SLC15A5: variants seen among roughly 807,000 people sequenced by gnomAD.
SLC15A5 encodes the protein Peptide/histidine transporter ENSP00000340402.
A neutral mutation model predicts 56.1 loss-of-function variants in SLC15A5; 58 were observed. That is an observed-to-expected ratio of 1.03 (90% CI 0.84 to 1.29). SLC15A5 has a LOEUF of 1.29. Among genes scored for constraint, SLC15A5 ranks in the 50% most tolerant of loss-of-function variants. SLC15A5 has a pLI of 0.00. For missense variants in SLC15A5, 681 were observed against 672.1 expected, an observed-to-expected ratio of 1.01 and a Z score of -0.15; for synonymous variants, 264 against 250.5, an observed-to-expected ratio of 1.05 and a Z score of -0.51.
intron 7 of SLC15A5, among the ~76,000 whole-genome samples, chr12:16,194,694 A>C (rs1024882232): frequency 2.6e-5 from 4 of 152,096 alleles, no homozygotes; most frequent in Non-Finnish European, 1.5e-5. Context: ...GCACAAATAT[A>C]GGTGTCAGAA....
chr12:16,255,423 A>C (rs1165427864), intron 3 of SLC15A5, among the ~76,000 whole-genome samples: 1 of 152,164 alleles, frequency 6.6e-6, no homozygotes, highest in Non-Finnish European at 1.5e-5. Flanking sequence ...ATTGGCAAAA[A>C]TCCCAAAGTT....
chr12:16,275,500 C>T (rs891969057), intron 1 of SLC15A5, among the ~76,000 whole-genome samples: 1 of 151,978 alleles, frequency 6.6e-6, no homozygotes, highest in Admixed American at 6.6e-5. Flanking sequence ...AAGCTGGAGA[C>T]TGACTGAGAA....
intron 2 of SLC15A5, among the ~76,000 whole-genome samples, chr12:16,265,215 G>T (rs1308720267): frequency 6.6e-6 from 1 of 152,128 alleles, no homozygotes; most frequent in Non-Finnish European, 1.5e-5. Context: ...CACAGCTATT[G>T]TAAGTCTGGA....
At chr12:16,253,613 C>T (rs962439685) in intron 3 of SLC15A5, among the ~76,000 whole-genome samples, 2 of 152,012 alleles carry the variant, frequency 1.3e-5, no homozygotes, top group Admixed American at 6.6e-5. Flanking sequence ...GCTCACACTT[C>T]TAATCCCAGC....
chr12:16,224,655 C>T, intron 5 of SLC15A5, 53 bp from the exon 6 acceptor site: 1 of 1,459,382 alleles, frequency 6.9e-7, no homozygotes, highest in South Asian at 1.3e-5. Flanking sequence ...GCTAGAGATT[C>T]ATGTAATAAG....
chr12:16,223,273 A>G lies in SLC15A5; in HGVS notation c.1351+1141T>C, dbSNP rs1024813601. On this transcript the variant is annotated intron_variant, in intron 6 of 8. Coordinates refer to ENST00000344941, the MANE Select transcript of SLC15A5 (RefSeq NM_001170798.1). The stretch of plus-strand genomic sequence containing the variant: ...TACTCTAAAATCCATGTGCCAGTTG[A>G]TAGAATGGGAGAGATAATGGAGGTC... Among the ~76,000 whole-genome samples the G allele has an allele frequency of 1.2e-4, 18 of 152,172 alleles. 1 individual carries two copies. Among genetic ancestry groups the G allele is most frequent in the Admixed American group, 9.8e-4 (15 of 15,264 alleles).
intron 3 of SLC15A5, among the ~76,000 whole-genome samples, chr12:16,256,400 G>A (rs1864572357): frequency 1.3e-5 from 2 of 152,080 alleles, no homozygotes; most frequent in Non-Finnish European, 1.5e-5. Context: ...AGTACATAAT[G>A]CCACCTATGA....
intron 2 of SLC15A5, among the ~76,000 whole-genome samples, chr12:16,266,846 G>A (rs1237181815): frequency 6.6e-6 from 1 of 152,254 alleles, no homozygotes; most frequent in East Asian, 1.9e-4. Context: ...TGTTTCTTTA[G>A]CCTACTTTTA....
intron 7 of SLC15A5, among the ~76,000 whole-genome samples, chr12:16,208,489 A>T (rs573803961): frequency 6.6e-6 from 1 of 152,252 alleles, no homozygotes; most frequent in South Asian, 2.1e-4. Flanking sequence ...TGGGCAATAT[A>T]GTGAGACCCA....
chr12:16,238,732 A>G (rs1864378360), intron 5 of SLC15A5, among the ~76,000 whole-genome samples: 1 of 152,148 alleles, frequency 6.6e-6, no homozygotes, highest in African/African-American at 2.4e-5. Context: ...AGTAGAGGAT[A>G]AGACATTAGG....
chr12:16,255,597 T>A (rs1057343515), intron 3 of SLC15A5, among the ~76,000 whole-genome samples: 2 of 152,046 alleles, frequency 1.3e-5, no homozygotes, highest in Admixed American at 1.3e-4. Context: ...CTTCTAGGAA[T>A]CTATCCTAAA....
At chr12:16,253,411 A>G (rs1432610750) in intron 3 of SLC15A5, among the ~76,000 whole-genome samples, 2 of 152,104 alleles carry the variant, frequency 1.3e-5, no homozygotes, top group Non-Finnish European at 2.9e-5. Flanking sequence ...TCCAGAATAT[A>G]TAATGAACTT....
chr12:16,218,865 T>C (rs1202855659), intron 6 of SLC15A5, among the ~76,000 whole-genome samples: 1 of 152,186 alleles, frequency 6.6e-6, no homozygotes, highest in Non-Finnish European at 1.5e-5. Flanking sequence ...CTTGTTTGTT[T>C]GTTTTTAATA....
chr12:16,196,976 T>G lies in SLC15A5; in HGVS notation c.1484-2523A>C, dbSNP rs1157131766. 6.6e-6 allele frequency among the ~76,000 whole-genome samples: 1 copy of G among 151,838 alleles called. No homozygotes were observed. The highest frequency in any genetic ancestry group is 2.4e-5 in the African/African-American group (1 of 41,318). ...AATGACAAGTACTATGACTTGGTAT[T>G]TGGGAGTTTGTGGGTGACAGGAGAG... On this transcript the variant is annotated intron_variant, in intron 7 of 8. Coordinates refer to ENST00000344941, the MANE Select transcript of SLC15A5 (RefSeq NM_001170798.1). The surrounding 1 kb of genome is among the most constrained non-coding windows in gnomAD (Gnocchi z 4.0).
chr12:16,268,548 C>T (rs915798242), intron 2 of SLC15A5, among the ~76,000 whole-genome samples: 17 of 152,088 alleles, frequency 1.1e-4, no homozygotes, highest in Non-Finnish European at 2.1e-4. Flanking sequence ...TGAAATGTAC[C>T]TTATAAATTA....
At chr12:16,264,213 C>T (rs1864670872) in intron 2 of SLC15A5, among the ~76,000 whole-genome samples, 1 of 152,214 alleles carries the variant, frequency 6.6e-6, no homozygotes, top group Non-Finnish European at 1.5e-5. Context: ...GAACCCACCT[C>T]TTGCATTAGC....
At chr12:16,258,238 C>A (rs1387734208) in intron 2 of SLC15A5, among the ~76,000 whole-genome samples, 1 of 152,102 alleles carries the variant, frequency 6.6e-6, no homozygotes, top group Non-Finnish European at 1.5e-5. Context: ...AACACTTAAT[C>A]ATTCAAATAC....
chr12:16,200,701 G>A (rs144939867), intron 7 of SLC15A5, among the ~76,000 whole-genome samples: 3 of 152,084 alleles, frequency 2.0e-5, no homozygotes, highest in African/African-American at 7.2e-5. Flanking sequence ...AGAAAATGAA[G>A]AGAATGAGGA....
intron 7 of SLC15A5, among the ~76,000 whole-genome samples, chr12:16,211,607 T>C (rs1864081998): frequency 6.6e-6 from 1 of 152,226 alleles, no homozygotes; most frequent in Non-Finnish European, 1.5e-5. Flanking sequence ...TGAAAAGGTT[T>C]AAGTTCGAAT....
Sources: allele counts gnomAD v4.1 joint callset (sites outside exome capture counted in the v4.1 genomes callset), GRCh38; gene constraint gnomAD v4.1.1; non-coding constraint Gnocchi (gnomAD v3.1); transcripts MANE v1.5; gene names NCBI Gene and HGNC (gene_info 2026-07-23, HGNC 2026-07-21).